The following RSPO3 variants were observed in gnomAD, a reference collection of about 807,000 sequenced individuals.
RSPO3 encodes the protein R-spondin 3, also known as R-spondin-3.
A neutral mutation model predicts 36.5 loss-of-function variants in RSPO3; 17 were observed. The ratio of observed to expected loss-of-function variants is 0.47; its 90% CI spans 0.32 to 0.70. The LOEUF is 0.70. Ranked by LOEUF, RSPO3 falls within the 30% of genes least tolerant of loss-of-function variation. The pLI is 0.04. For synonymous variants in RSPO3, 108 were observed against 107.0 expected (o/e 1.01, Z -0.06); for missense variants, 294 against 322.5 (o/e 0.91, Z 0.68).
At chr6:127,162,442 C>G (rs1207431334) in intron 4 of RSPO3, among the ~76,000 whole-genome samples, 2 of 152,076 alleles carry the variant, frequency 1.3e-5, no homozygotes, top group Non-Finnish European at 2.9e-5. Context: ...TTGTAAATTT[C>G]CTTCCTTCCT....
In RSPO3 at chr6:127,119,171, AG is replaced by A; in HGVS notation, c.-19del. The A allele has an allele frequency of 6.6e-7, 1 of 1,508,598 alleles. No homozygotes were observed. Among genetic ancestry groups the A allele is most frequent in the Non-Finnish European group, 9.2e-7 (1 of 1,086,982 alleles). The allele number at this position is 1,508,598 out of a possible 1,614,324, so 93.5% of individuals were successfully genotyped here. On this transcript the variant is annotated 5_prime_UTR_variant, in exon 1 of 5. Transcript: ENST00000356698. ...CAATCAAAAGAAAGAGGAGAAAGGA[AG>A]GGAAGCATTACTGGGTTACTATGCA...
chr6:127,129,453 T>C (rs945588643), intron 1 of RSPO3, among the ~76,000 whole-genome samples: 1 of 151,998 alleles, frequency 6.6e-6, no homozygotes, highest in Non-Finnish European at 1.5e-5. Flanking sequence ...AATGAGTCAC[T>C]AGGCCAAATC....
At chr6:127,165,465 C>T (rs894447402) in intron 4 of RSPO3, among the ~76,000 whole-genome samples, 2 of 151,984 alleles carry the variant, frequency 1.3e-5, no homozygotes, top group African/African-American at 2.4e-5. Flanking sequence ...AGCTAAGATA[C>T]AGTTACCAAA....
chr6:127,130,895 G>A (rs1002524549), intron 1 of RSPO3, among the ~76,000 whole-genome samples: 2 of 151,980 alleles, frequency 1.3e-5, no homozygotes, highest in Non-Finnish European at 2.9e-5. Flanking sequence ...CAAGGAACAA[G>A]GTCCAAACAT....
chr6:127,174,737 C>T (rs971033858), intron 4 of RSPO3, among the ~76,000 whole-genome samples: 2 of 151,762 alleles, frequency 1.3e-5, no homozygotes, highest in African/African-American at 2.4e-5. Context: ...TGTATGGAGT[C>T]ATAGAACTGA....
rs947162477 is a variant in RSPO3, at chr6:127,183,068, G to A, written c.635-12755G>A. On this transcript the variant is annotated intron_variant, in intron 4 of 4. Coordinates refer to ENST00000356698, the MANE Select transcript of RSPO3 (RefSeq NM_032784.5). ...ACCACCTCTTTTTCTCCAAACAATC[G>A]CAAAAACTTTTTGGTAGACCACTGT... Among the ~76,000 whole-genome samples, 20 of 151,694 alleles carry A rather than the reference G, an allele frequency of 1.3e-4. No individual in the cohort carries two copies. In the East Asian group the frequency reaches 1.4e-3, roughly 10 times the overall value.
At chr6:127,165,071 T>C (rs564687628) in intron 4 of RSPO3, among the ~76,000 whole-genome samples, 17 of 152,172 alleles carry the variant, frequency 1.1e-4, no homozygotes, top group Non-Finnish European at 1.5e-4. Context: ...ATTCACTTTT[T>C]TGAGTAATAG....
At chr6:127,138,067 T>C (rs1215580615) in intron 1 of RSPO3, among the ~76,000 whole-genome samples, 3 of 152,176 alleles carry the variant, frequency 2.0e-5, no homozygotes, top group Admixed American at 2.0e-4. Flanking sequence ...ATGCTTCTTA[T>C]CAATGCAGTT....
intron 3 of RSPO3, among the ~76,000 whole-genome samples, 194 bp from the exon 4 acceptor site, chr6:127,155,047 G>A (rs905093974): frequency 5.3e-5 from 8 of 152,118 alleles, no homozygotes; most frequent in African/African-American, 1.9e-4. Flanking sequence ...CTGATAATGA[G>A]TACTAAACTG....
chr6:127,138,852 T>C (rs915545817), intron 1 of RSPO3, among the ~76,000 whole-genome samples: 9 of 152,058 alleles, frequency 5.9e-5, no homozygotes, highest in African/African-American at 1.9e-4. Flanking sequence ...GGATAAAAAA[T>C]AAATATTGGT....
Position 127,195,837 on chromosome 6 carries a change from GA to G in RSPO3, c.650del (p.Glu217GlyfsTer67). 1 of 1,536,120 alleles carries G rather than the reference GA, an allele frequency of 6.5e-7. No homozygotes were observed. The highest frequency in any genetic ancestry group is 8.8e-7 in the Non-Finnish European group (1 of 1,140,204). ...QKGERGKKGR[E>X]RKRKKPNKGE... ...TTTCATTTCAGGAAAAAAAGGAAGG[GA>G]GAGGAAAAGAAAAAAACCTAATAAA... On this transcript the variant is annotated frameshift_variant, in exon 5 of 5. Coordinates refer to ENST00000356698, the MANE Select transcript of RSPO3 (RefSeq NM_032784.5). LOFTEE classifies it high-confidence loss of function.
Position 127,197,667 on chromosome 6 carries a change from C to G in RSPO3, c.*1660C>G, listed in dbSNP as rs1582819995. On this transcript the variant is annotated 3_prime_UTR_variant, in exon 5 of 5. Transcript: ENST00000356698. ...CTTCTGGCTGCTTATCTCTGGACAC[C>G]CGTTCTCCACCAGTTGTACAGTTCA... The G allele has an allele frequency of 4.1e-6, 4 of 964,028 alleles. No individual in the cohort carries two copies. Among genetic ancestry groups the G allele is most frequent in the South Asian group, 3.6e-5 (2 of 55,150 alleles). The allele number at this position is 964,028 out of a possible 1,614,324, so 59.7% of individuals were successfully genotyped here.
intron 1 of RSPO3, among the ~76,000 whole-genome samples, chr6:127,142,976 C>T (rs1406038991): frequency 1.6e-5 from 2 of 128,550 alleles, no homozygotes. Flanking sequence ...TCACCGTGCC[C>T]AGCTAATTTT....
chr6:127,197,292 GGCCTCCCTA>G lies in RSPO3; in HGVS notation c.*1288_*1296del, dbSNP rs1209830842. ...TCAACATTCTAATTATAGACACATG[GGCCTCCCTA>G]GCTGATTTCACTGCTCCCCCTTCAT... is the stretch of plus-strand genomic sequence containing the variant. On this transcript the variant is annotated 3_prime_UTR_variant, in exon 5 of 5. Coordinates refer to ENST00000356698, the MANE Select transcript of RSPO3 (RefSeq NM_032784.5). 3.2e-5 allele frequency: 34 copies of G among 1,071,768 alleles called. 1 individual carries two copies. The highest frequency in any genetic ancestry group is 1.8e-4 in the South Asian group (11 of 59,890). The allele number at this position is 1,071,768 out of a possible 1,614,324, so 66.4% of individuals were successfully genotyped here. A position where few individuals can be genotyped will look rare whatever the true frequency, so the allele number is the denominator to read the frequency against.
chr6:127,126,047 G>A (rs997295548), intron 1 of RSPO3, among the ~76,000 whole-genome samples: 3 of 152,074 alleles, frequency 2.0e-5, no homozygotes, highest in Non-Finnish European at 4.4e-5. Flanking sequence ...CATATGAAAG[G>A]GAAAGAGATG....
At chr6:127,142,173 T>C (rs1439632396) in intron 1 of RSPO3, among the ~76,000 whole-genome samples, 1 of 152,168 alleles carries the variant, frequency 6.6e-6, no homozygotes, top group African/African-American at 2.4e-5. Flanking sequence ...AAAAGGAGTG[T>C]TGTATCCAAA....
chr6:127,154,523 G>C (rs976676005), intron 3 of RSPO3, among the ~76,000 whole-genome samples: 1 of 152,140 alleles, frequency 6.6e-6, no homozygotes, highest in African/African-American at 2.4e-5. Flanking sequence ...AATTGACCCA[G>C]AATTCACATA....
At chr6:127,194,270 C>T (rs191863583) in intron 4 of RSPO3, among the ~76,000 whole-genome samples, 1 of 152,186 alleles carries the variant, frequency 6.6e-6, no homozygotes, top group Non-Finnish European at 1.5e-5. Context: ...TTTTGGTTCT[C>T]TCATGCAGAC....
intron 1 of RSPO3, among the ~76,000 whole-genome samples, chr6:127,144,602 T>C (rs1774342116): frequency 6.6e-6 from 1 of 151,186 alleles, no homozygotes; most frequent in Non-Finnish European, 1.5e-5. Flanking sequence ...CTATTTTGCA[T>C]GATGTCTTCT....
Sources: allele counts gnomAD v4.1 joint callset (sites outside exome capture counted in the v4.1 genomes callset), GRCh38; gene constraint gnomAD v4.1.1; transcripts MANE v1.5; gene names NCBI Gene and HGNC (gene_info 2026-07-23, HGNC 2026-07-21).